PRKN: variants seen among roughly 807,000 people sequenced by gnomAD.
PRKN encodes the protein E3 ubiquitin-protein ligase parkin.
In PRKN, 56 loss-of-function variants were observed where a neutral mutation model predicts 59.5. The observed-to-expected ratio is 0.94, with a 90% CI of 0.76 to 1.18. PRKN has a LOEUF of 1.18. Among genes scored for constraint, PRKN ranks in the 50% most tolerant of loss-of-function variants. The pLI, the probability that PRKN is intolerant of heterozygous loss-of-function variation, is 0.00. For synonymous variants in PRKN, 250 were observed against 222.1 expected (o/e 1.13, Z -1.12); for missense variants, 657 against 596.4 (o/e 1.10, Z -1.06).
At chr6:161,831,175 C>G (rs148610681) in intron 6 of PRKN, among the ~76,000 whole-genome samples, 67 of 152,322 alleles carry the variant, frequency 4.4e-4, no homozygotes, top group African/African-American at 1.5e-3. Flanking sequence ...CCAAGAGATG[C>G]AAACAACTGG....
chr6:161,660,081 T>A (rs1411830531), intron 7 of PRKN, among the ~76,000 whole-genome samples: 1 of 152,200 alleles, frequency 6.6e-6, no homozygotes, highest in African/African-American at 2.4e-5. Context: ...CTACTACTAC[T>A]ACTACTACAA....
chr6:162,302,791 G>A (rs1782017874), intron 2 of PRKN, among the ~76,000 whole-genome samples: 1 of 151,994 alleles, frequency 6.6e-6, no homozygotes, highest in South Asian at 2.1e-4. Context: ...GTGGTAAGTT[G>A]TTACACAGCC....
At chr6:162,530,323 T>TA (rs1381810962) in intron 1 of PRKN, among the ~76,000 whole-genome samples, 1 of 152,134 alleles carries the variant, frequency 6.6e-6, no homozygotes, top group Non-Finnish European at 1.5e-5. Context: ...GTACTCAGGT[T>TA]AGACTTTGAA....
intron 1 of PRKN, among the ~76,000 whole-genome samples, chr6:162,487,362 A>G (rs1328959734): frequency 1.3e-5 from 2 of 152,150 alleles, no homozygotes; most frequent in African/African-American, 4.8e-5. Context: ...TTCCTTGAGA[A>G]GGAAGGCCAA....
chr6:162,531,027 G>T (rs1419588874), intron 1 of PRKN, among the ~76,000 whole-genome samples: 1 of 140,720 alleles, frequency 7.1e-6, no homozygotes, highest in South Asian at 2.3e-4. Context: ...ACTGCACTCC[G>T]GCCTGGGTAA....
chr6:162,346,882 C>T (rs899466123), intron 2 of PRKN, among the ~76,000 whole-genome samples: 2 of 151,802 alleles, frequency 1.3e-5, no homozygotes, highest in African/African-American at 4.8e-5. Context: ...TGGATATATA[C>T]ATATATCTAT....
chr6:162,076,804 T>C (rs1355267215), intron 4 of PRKN, among the ~76,000 whole-genome samples: 1 of 152,198 alleles, frequency 6.6e-6, no homozygotes, highest in African/African-American at 2.4e-5. Context: ...GCAATGTACA[T>C]GGATTTCATC....
At chr6:162,399,946 T>C (rs1465094867) in intron 2 of PRKN, among the ~76,000 whole-genome samples, 5 of 152,128 alleles carry the variant, frequency 3.3e-5, no homozygotes, top group African/African-American at 9.7e-5. Context: ...TGGCTCACGC[T>C]TGTAATTGCG....
intron 6 of PRKN, among the ~76,000 whole-genome samples, chr6:161,804,355 T>C (rs1325444827): frequency 6.6e-6 from 1 of 152,162 alleles, no homozygotes; most frequent in African/African-American, 2.4e-5. Context: ...TGCTGCCAGC[T>C]GTTTTTAGGT....
At position 161,910,954 on chromosome 6, in the gene PRKN, A is replaced by C. The variant is rs144314498; in HGVS notation, c.734+62348T>G. Among the ~76,000 whole-genome samples the C allele has an allele frequency of 2.9e-3, 439 of 152,360 alleles. 3 individuals carry two copies. Among genetic ancestry groups the C allele is most frequent in the African/African-American group, 0.01 (423 of 41,576 alleles). On this transcript the variant is annotated intron_variant, in intron 6 of 11. Transcript: ENST00000366898. ...TTCTTAAAGAAATAATGGTAATAAC[A>C]CTTAATAGACTACAACATAGTTAGT...
At chr6:162,498,327 A>C (rs191524711) in intron 1 of PRKN, among the ~76,000 whole-genome samples, 19 of 146,790 alleles carry the variant, frequency 1.3e-4, no homozygotes, top group African/African-American at 4.3e-4. Context: ...GCAACACTCA[A>C]CATTTGATGT....
At position 161,579,938 on chromosome 6, in the gene PRKN, A is replaced by G. The variant is rs979918036; in HGVS notation, c.872-10522T>C. On this transcript the variant is annotated intron_variant, in intron 7 of 11. Transcript: ENST00000366898. This position sits in a 1 kb window ranked among gnomAD's most constrained non-coding sequence, Gnocchi z 4.2. Reference sequence around the variant, plus strand: ...GAAAGGCATCTTTCAAATTCTTATAAAAAACAAAACCCATGTAAGCACTCT... The same window carrying G: ...GAAAGGCATCTTTCAAATTCTTATAGAAAACAAAACCCATGTAAGCACTCT... 5.3e-5 allele frequency among the ~76,000 whole-genome samples: 8 copies of G among 152,198 alleles called. No homozygotes were observed. The highest frequency in any genetic ancestry group is 4.4e-5 in the Non-Finnish European group (3 of 68,040).
At chr6:161,925,635 C>A (rs2128239775) in intron 6 of PRKN, among the ~76,000 whole-genome samples, 1 of 152,210 alleles carries the variant, frequency 6.6e-6, no homozygotes, top group African/African-American at 2.4e-5. Flanking sequence ...AAGGAAGATC[C>A]ATTTTATACT....
At chr6:161,618,895 A>C (rs9355915) in intron 7 of PRKN, among the ~76,000 whole-genome samples, 36,551 of 152,188 alleles carry the variant, frequency 0.24, 4,706 homozygotes, top group East Asian at 0.51. Context: ...CACCAGGTCA[A>C]GAAACCACAA....
chr6:161,702,986 G>C (rs1391628010), intron 7 of PRKN, among the ~76,000 whole-genome samples: 1 of 117,328 alleles, frequency 8.5e-6, no homozygotes, highest in Non-Finnish European at 1.8e-5. Flanking sequence ...ACCTACCAAA[G>C]AATTTAAATA....
intron 9 of PRKN, among the ~76,000 whole-genome samples, chr6:161,418,905 T>C (rs2115022908): frequency 6.6e-6 from 1 of 152,340 alleles, no homozygotes; most frequent in East Asian, 1.9e-4. Flanking sequence ...CATTTTCACA[T>C]ACAGGCGGTG....
chr6:162,010,479 G>GTATTTATAATATATATTATATAATA (rs1782475257), intron 5 of PRKN, among the ~76,000 whole-genome samples: 1 of 45,562 alleles, frequency 2.2e-5, no homozygotes, highest in Non-Finnish European at 3.3e-5. Context: ...ATTATATAAT[G>GTATTTATAATATATATTATATAATA]TATTTATAAT....
chr6:161,633,066 A>G (rs1007033337), intron 7 of PRKN, among the ~76,000 whole-genome samples: 2 of 152,188 alleles, frequency 1.3e-5, no homozygotes, highest in Non-Finnish European at 2.9e-5. Context: ...TGTACAAACA[A>G]TACTGTATTC....
intron 4 of PRKN, among the ~76,000 whole-genome samples, chr6:162,092,975 C>T (rs1030022101): frequency 3.9e-5 from 6 of 152,118 alleles, no homozygotes; most frequent in Admixed American, 2.0e-4. Context: ...CTCTCAGAGC[C>T]GAAGCTCCAT....
Sources: allele counts gnomAD v4.1 joint callset (sites outside exome capture counted in the v4.1 genomes callset), GRCh38; gene constraint gnomAD v4.1.1; non-coding constraint Gnocchi (gnomAD v3.1); transcripts MANE v1.5; gene names NCBI Gene and HGNC (gene_info 2026-07-23, HGNC 2026-07-21).